The following RTL9 variants were observed in gnomAD, a reference collection of about 807,000 sequenced individuals.
The protein encoded by RTL9 is retrotransposon Gag-like protein 9.
In RTL9, 19 loss-of-function variants were observed where a neutral mutation model predicts 44.7. The ratio of observed to expected loss-of-function variants is 0.42; its 90% CI spans 0.30 to 0.62. The LOEUF is 0.62. RTL9 is among the 20% of genes least tolerant of loss of function. The probability of loss-of-function intolerance (pLI) is 0.16; values close to 1 mark genes in which losing one functional copy is unlikely to be tolerated. For missense variants in RTL9, 1,105 were observed against 1,080.6 expected (o/e 1.02, Z -0.32); for synonymous variants, 407 against 398.9 (o/e 1.02, Z -0.24).
intron 1 of RTL9, among the ~76,000 whole-genome samples, chrX:110,430,250 A>G (rs975935548): frequency 5.3e-5 from 6 of 112,922 alleles, no homozygotes; most frequent in African/African-American, 1.6e-4. Context: ...TGGAAGCCCA[A>G]TAAGAATTGT....
intron 1 of RTL9, among the ~76,000 whole-genome samples, chrX:110,409,035 G>A (rs753375210): frequency 1.3e-4 from 14 of 111,698 alleles, no homozygotes; most frequent in Non-Finnish European, 2.4e-4. Flanking sequence ...TGATGGCTTC[G>A]TGAGGGCCAG....
intron 1 of RTL9, among the ~76,000 whole-genome samples, chrX:110,387,620 C>T (rs1239955518): frequency 9.0e-6 from 1 of 111,627 alleles, no homozygotes; most frequent in Non-Finnish European, 1.9e-5. Flanking sequence ...CAATTTACAA[C>T]TTGATTTAGA....
rs761725936 is a variant in RTL9, at chrX:110,454,128, G to A, written c.3511G>A (p.Asp1171Asn). ...CTCTGTGGAGGAAGAGATGGAGATT[G>A]ATGAGGAGAAGCAAATGAAGGGGTT... The change falls in exon 1 of 2, where the codon GAT (aspartate) becomes AAT (asparagine). Residue 1171 changes from aspartate (D) to asparagine (N), a missense_variant. Physicochemically the swap from Asp to Asn is conservative, Grantham distance 23. Transcript: ENST00000540313. 18 of 1,212,195 alleles carry A rather than the reference G, an allele frequency of 1.5e-5. No homozygotes were observed. The highest frequency in any genetic ancestry group is 2.0e-5 in the Non-Finnish European group (18 of 895,641).
At chrX:110,416,132 C>G (rs1462554633), upstream of RTL9, among the ~76,000 whole-genome samples, 1 of 111,057 alleles carries the variant, frequency 9.0e-6, no homozygotes, top group Non-Finnish European at 1.9e-5. Context: ...TTAAAACTCT[C>G]AACAGCCTGT....
At position 110,453,808 on chromosome X, in the gene RTL9, C is replaced by T. The variant is rs1160566991; in HGVS notation, c.3191C>T (p.Thr1064Ile). The T allele has an allele frequency of 5.8e-6, 7 of 1,209,516 alleles. No homozygotes were observed. The Admixed American group carries it at 1.5e-4, about 26-fold the overall frequency. Residue 1064 changes from threonine to isoleucine, a missense_variant, in exon 1 of 2, where the codon ACA becomes ATA. Thr to Ile is a moderately conservative substitution (Grantham distance 89). Transcript: ENST00000540313. ...ATGTCCATGCCACAAATGACAGCCACAGACTCTAGAGGGATGTCCACACCA... is the reference window on the plus strand; with the variant it reads ...ATGTCCATGCCACAAATGACAGCCATAGACTCTAGAGGGATGTCCACACCA...
chrX:110,451,317 A>T lies in RTL9; in HGVS notation c.700A>T (p.Ile234Phe), dbSNP rs778168826. 3 of 1,211,994 alleles carry T rather than the reference A, an allele frequency of 2.5e-6. No individual in the cohort carries two copies. In the East Asian group the frequency reaches 8.9e-5, roughly 36 times the overall value. ...CTCTGAGGCAATGTCCCCATTGCAA[A>T]TTACAGATGAAGACACCGAAGCAAT... The change falls in exon 1 of 2, where the codon ATT (isoleucine) becomes TTT (phenylalanine). Residue 234 changes from isoleucine to phenylalanine, a missense_variant. Transcript: ENST00000540313.
At chrX:110,362,240 C>T (rs1488678006) in intron 1 of RTL9, among the ~76,000 whole-genome samples, 1 of 111,377 alleles carries the variant, frequency 9.0e-6, no homozygotes, top group Non-Finnish European at 1.9e-5. Flanking sequence ...CCTTCTTTTT[C>T]CCCTCATCCC....
At chrX:110,394,406 C>A (rs2068515494) in intron 1 of RTL9, among the ~76,000 whole-genome samples, 1 of 111,520 alleles carries the variant, frequency 9.0e-6, no homozygotes, top group Middle Eastern at 4.6e-3. Context: ...CGTGTGCCAC[C>A]ATGCCTGGCT....
At chrX:110,400,761 G>A (rs1397013707) in intron 1 of RTL9, among the ~76,000 whole-genome samples, 3 of 111,848 alleles carry the variant, frequency 2.7e-5, no homozygotes, top group Non-Finnish European at 5.6e-5. Context: ...TTTATGGCAA[G>A]AGTTTGTTGG....
exon 1 of RTL9, chrX:110,453,175 C>T (rs748812021): frequency 8.3e-7 from 1 of 1,211,529 alleles, no homozygotes; most frequent in Non-Finnish European, 1.1e-6. Context: ...ACAAGATCCA[C>T]AGCCTCTGGA....
At chrX:110,451,459 C>G (rs757841270) in exon 1 of RTL9, 1 of 1,211,855 alleles carries the variant, frequency 8.3e-7, no homozygotes. Flanking sequence ...TCTGGAGGTA[C>G]ATCACCCCAG....
At chrX:110,393,357 G>A (rs903996653) in intron 1 of RTL9, among the ~76,000 whole-genome samples, 2 of 112,004 alleles carry the variant, frequency 1.8e-5, no homozygotes, top group African/African-American at 6.5e-5. Context: ...TGATTATTGA[G>A]CAATTACTAT....
chrX:110,367,971 CTAATTATTA>C (rs1243885708), intron 1 of RTL9, among the ~76,000 whole-genome samples: 1 of 66,089 alleles, frequency 1.5e-5, no homozygotes, highest in African/African-American at 5.6e-5. Context: ...ACAGTGCTGG[CTAATTATTA>C]TTATTATTAT....
At chrX:110,381,085 G>T (rs2068415333) in intron 1 of RTL9, among the ~76,000 whole-genome samples, 2 of 112,020 alleles carry the variant, frequency 1.8e-5, no homozygotes, top group South Asian at 7.4e-4. Flanking sequence ...ACCAAAAATT[G>T]ACAGGTGGGA....
chrX:110,428,455 C>T (rs1292902663), intron 1 of RTL9, among the ~76,000 whole-genome samples: 1 of 112,028 alleles, frequency 8.9e-6, no homozygotes, highest in Non-Finnish European at 1.9e-5. Context: ...CCATAACCAT[C>T]TGCAGAACGA....
At chrX:110,454,733 C>T in intron 1 of RTL9, 69 bp downstream of exon 3, 3 of 943,572 alleles carry the variant, frequency 3.2e-6, no homozygotes, top group Non-Finnish European at 4.3e-6. Flanking sequence ...GGGAATACAT[C>T]CTGCTTCCTT....
At chrX:110,362,357 G>A (rs2068269605) in intron 1 of RTL9, among the ~76,000 whole-genome samples, 1 of 111,749 alleles carries the variant, frequency 8.9e-6, no homozygotes, top group African/African-American at 3.3e-5. Context: ...GTTGTCATTT[G>A]TCTATTTAAC....
chrX:110,405,087 GTCC>G (rs1185153609), intron 1 of RTL9, among the ~76,000 whole-genome samples: 7 of 76,626 alleles, frequency 9.1e-5, no homozygotes, highest in African/African-American at 6.3e-4. Context: ...TGCTTGTTGT[GTCC>G]CCCCCCCCCC....
At chrX:110,390,627 C>T in intron 1 of RTL9, among the ~76,000 whole-genome samples, 1 of 111,856 alleles carries the variant, frequency 8.9e-6, no homozygotes, top group East Asian at 2.8e-4. Flanking sequence ...TGTCATCCAG[C>T]AAAATAGAGA....
Sources: allele counts gnomAD v4.1 joint callset (sites outside exome capture counted in the v4.1 genomes callset), GRCh38; gene constraint gnomAD v4.1.1; transcripts MANE v1.5; gene names NCBI Gene and HGNC (gene_info 2026-07-23, HGNC 2026-07-21).